The following PPP3CA variants were observed in gnomAD, a reference collection of about 807,000 sequenced individuals.
PPP3CA encodes the protein protein phosphatase 3 catalytic subunit alpha, also known as CAM-PRP catalytic subunit.
Under a neutral mutation model 66.5 loss-of-function variants are expected in PPP3CA, and 14 were observed. That is an observed-to-expected ratio of 0.21 (90% CI 0.14 to 0.33). PPP3CA has a LOEUF of 0.33. Ranked by LOEUF, PPP3CA falls within the 10% of genes least tolerant of loss-of-function variation. PPP3CA has a pLI of 1.00. For synonymous variants in PPP3CA, 232 were observed against 226.2 expected (o/e 1.03, Z -0.23); for missense variants, 317 against 639.5 (o/e 0.50, Z 5.44).
chr4:101,269,656 T>A (rs1169745650), intron 1 of PPP3CA, among the ~76,000 whole-genome samples: 1 of 151,212 alleles, frequency 6.6e-6, no homozygotes, highest in Non-Finnish European at 1.5e-5. Flanking sequence ...TAATAGGCAT[T>A]CATTAAATAT....
chr4:101,327,960 C>T (rs1729257406), intron 1 of PPP3CA, among the ~76,000 whole-genome samples: 1 of 152,036 alleles, frequency 6.6e-6, no homozygotes, highest in Non-Finnish European at 1.5e-5. Context: ...ATTTGAAGTT[C>T]AGGGTCCACA....
At chr4:101,339,079 A>G (rs1224494579) in intron 1 of PPP3CA, among the ~76,000 whole-genome samples, 2 of 152,182 alleles carry the variant, frequency 1.3e-5, no homozygotes, top group Non-Finnish European at 2.9e-5. Flanking sequence ...TTCATAGCCC[A>G]TGTATCTTTC....
chr4:101,150,600 T>C (rs1723106384), intron 2 of PPP3CA, among the ~76,000 whole-genome samples: 1 of 152,186 alleles, frequency 6.6e-6, no homozygotes, highest in Non-Finnish European at 1.5e-5. Context: ...ACAGTTGTAA[T>C]CTTTTTTTAT....
At chr4:101,332,042 C>T (rs1258148971) in intron 1 of PPP3CA, among the ~76,000 whole-genome samples, 2 of 152,106 alleles carry the variant, frequency 1.3e-5, no homozygotes, top group Non-Finnish European at 2.9e-5. Flanking sequence ...TTGGGAGGCT[C>T]CTGCAGCACT....
chr4:101,117,639 G>A (rs1721886095), intron 2 of PPP3CA, among the ~76,000 whole-genome samples: 1 of 151,442 alleles, frequency 6.6e-6, no homozygotes, highest in Non-Finnish European at 1.5e-5. Flanking sequence ...CGGTTGTGGT[G>A]CCAATATATA....
chr4:101,089,473 C>T (rs1729816478), intron 6 of PPP3CA, among the ~76,000 whole-genome samples: 1 of 152,190 alleles, frequency 6.6e-6, no homozygotes, highest in African/African-American at 2.4e-5. Context: ...GCTTCCAAAA[C>T]ACTTCAAAAT....
intron 8 of PPP3CA, among the ~76,000 whole-genome samples, chr4:101,079,347 T>C (rs1214261232): frequency 6.6e-6 from 1 of 152,086 alleles, no homozygotes; most frequent in Non-Finnish European, 1.5e-5. Flanking sequence ...AGATATGTTA[T>C]TTGACGCTTT....
At chr4:101,337,839 G>A (rs1298510203) in intron 1 of PPP3CA, among the ~76,000 whole-genome samples, 2 of 152,110 alleles carry the variant, frequency 1.3e-5, no homozygotes, top group Non-Finnish European at 2.9e-5. Flanking sequence ...CTGTTGGTGT[G>A]GAGTCCAGTA....
At chr4:101,324,246 G>A (rs1478563257) in intron 1 of PPP3CA, among the ~76,000 whole-genome samples, 1 of 151,358 alleles carries the variant, frequency 6.6e-6, no homozygotes, top group Non-Finnish European at 1.5e-5. Flanking sequence ...AGGGAGGGAA[G>A]GAAACGAAAC....
At chr4:101,200,640 A>G (rs891549216) in intron 1 of PPP3CA, among the ~76,000 whole-genome samples, 2 of 152,128 alleles carry the variant, frequency 1.3e-5, no homozygotes, top group African/African-American at 4.8e-5. Context: ...GCCAGGAAAC[A>G]TAAGTATATC....
chr4:101,231,486 G>C (rs904507132), intron 1 of PPP3CA, among the ~76,000 whole-genome samples: 1 of 151,716 alleles, frequency 6.6e-6, no homozygotes, highest in Non-Finnish European at 1.5e-5. Flanking sequence ...AGTCTCATTT[G>C]ACTTATTGAT....
chr4:101,029,422 C>CCTAT (rs1726836197), intron 12 of PPP3CA, among the ~76,000 whole-genome samples: 1 of 149,442 alleles, frequency 6.7e-6, no homozygotes, highest in Non-Finnish European at 1.5e-5. Context: ...GCTGGGTACG[C>CCTAT]CTATCTGAAT....
At chr4:101,166,560 C>A (rs1408045558) in intron 2 of PPP3CA, among the ~76,000 whole-genome samples, 3 of 152,148 alleles carry the variant, frequency 2.0e-5, no homozygotes, top group African/African-American at 7.2e-5. Flanking sequence ...AATTCAATTT[C>A]TCATTGCTTA....
At position 101,347,345 on chromosome 4, in the gene PPP3CA, T is replaced by C. The variant is rs1687748877; in HGVS notation, c.-549A>G. ...CCGCTGCTGCCGCTGCTGCTGCCGC[T>C]GCCGCTGTTGCTGCTGCCGCTGCCC... On this transcript the variant is annotated 5_prime_UTR_variant, in exon 1 of 14. Coordinates refer to ENST00000394854, the MANE Select transcript of PPP3CA (RefSeq NM_000944.5). 4.9e-6 allele frequency: 1 copy of C among 202,604 alleles called. No homozygotes were observed. Among genetic ancestry groups the C allele is most frequent in the South Asian group, 7.0e-5 (1 of 14,362 alleles). The allele number at this position is 202,604 out of a possible 1,614,324, so 12.6% of individuals were successfully genotyped here.
intron 2 of PPP3CA, among the ~76,000 whole-genome samples, chr4:101,182,820 A>T (rs1380674905): frequency 6.6e-6 from 1 of 152,138 alleles, no homozygotes; most frequent in East Asian, 1.9e-4. Context: ...TGGTCTCATG[A>T]TAATGAGTTA....
rs1560571181 is a variant in PPP3CA, at chr4:101,033,290, ACAAACACACAC to A, written c.1242-937_1242-927del. On this transcript the variant is annotated intron_variant, in intron 11 of 13. Transcript: ENST00000394854. ...CATACATAGAGACACACACACACACACAAACACACACACACACACACACACACACACACACA... is the reference window on the plus strand; with the variant it reads ...CATACATAGAGACACACACACACACAACACACACACACACACACACACACA... Among the ~76,000 whole-genome samples the A allele has an allele frequency of 1.9e-3, 167 of 88,670 alleles. 1 individual carries two copies. The highest frequency in any genetic ancestry group is 6.8e-3 in the African/African-American group (162 of 23,758). The allele number at this position is 88,670 out of a possible 152,430, so 58.2% of individuals were successfully genotyped here.
chr4:101,196,504 C>T (rs1724797295), intron 1 of PPP3CA, among the ~76,000 whole-genome samples: 1 of 152,180 alleles, frequency 6.6e-6, no homozygotes, highest in African/African-American at 2.4e-5. Flanking sequence ...CACTAGAAAA[C>T]AGGCTCCTCT....
intron 1 of PPP3CA, among the ~76,000 whole-genome samples, chr4:101,312,246 T>C (rs1019184484): frequency 6.6e-6 from 1 of 152,164 alleles, no homozygotes; most frequent in Non-Finnish European, 1.5e-5. Context: ...TTAAAATATA[T>C]TCAATTTCAT....
intron 1 of PPP3CA, among the ~76,000 whole-genome samples, chr4:101,283,265 T>C (rs1727742184): frequency 6.6e-6 from 1 of 152,216 alleles, no homozygotes; most frequent in Non-Finnish European, 1.5e-5. Context: ...ATCCCTAATG[T>C]GGCAAATAAT....
Sources: allele counts gnomAD v4.1 joint callset (sites outside exome capture counted in the v4.1 genomes callset), GRCh38; gene constraint gnomAD v4.1.1; transcripts MANE v1.5; gene names NCBI Gene and HGNC (gene_info 2026-07-23, HGNC 2026-07-21).